Variants in SHANK2 observed in about 807,000 individuals in gnomAD.
SHANK2 encodes SH3 and multiple ankyrin repeat domains 2.
SHANK2 carries 43 observed loss-of-function variants against 133.7 expected under a neutral mutation model. The ratio of observed to expected loss-of-function variants is 0.32; its 90% CI spans 0.25 to 0.41. SHANK2 has a LOEUF of 0.41. Among genes scored for constraint, SHANK2 ranks in the 10% least tolerant of loss-of-function variants. The pLI, the probability that SHANK2 is intolerant of heterozygous loss-of-function variation, is 1.00. For synonymous variants in SHANK2, 1,017 were observed against 952.8 expected (o/e 1.07, Z -1.24); for missense variants, 1,994 against 2,235.8 (o/e 0.89, Z 2.18).
At chr11:71,103,598 C>T (rs555221351) in intron 6 of SHANK2, among the ~76,000 whole-genome samples, 1 of 152,280 alleles carries the variant, frequency 6.6e-6, no homozygotes, top group Non-Finnish European at 1.5e-5. Flanking sequence ...TTAAAGGTGA[C>T]GCATACCCCA....
chr11:71,168,089 G>A (rs1279357914), intron 2 of SHANK2, among the ~76,000 whole-genome samples: 1 of 141,038 alleles, frequency 7.1e-6, no homozygotes, highest in Non-Finnish European at 1.6e-5. Flanking sequence ...CCGGGCGGAG[G>A]GGCTCCTCAC....
intron 17 of SHANK2, among the ~76,000 whole-genome samples, chr11:70,557,329 TC>T (rs539320458): frequency 6.6e-6 from 1 of 152,126 alleles, no homozygotes; most frequent in Non-Finnish European, 1.5e-5. Flanking sequence ...ACATGTGAGT[TC>T]CAGGGCGGGG....
At chr11:70,796,158 G>C (rs569978800) in intron 14 of SHANK2, among the ~76,000 whole-genome samples, 2 of 152,134 alleles carry the variant, frequency 1.3e-5, no homozygotes, top group African/African-American at 4.8e-5. Context: ...CCCTGTCAAC[G>C]GGGCTAGAGA....
chr11:70,659,822 C>G lies in SHANK2; in HGVS notation c.2061+6G>C, dbSNP rs1391712214. 1 of 1,614,136 alleles carries G rather than the reference C, an allele frequency of 6.2e-7. No homozygotes were observed. Among genetic ancestry groups the G allele is most frequent in the East Asian group, 2.2e-5 (1 of 44,872 alleles). On this transcript the variant is annotated splice_donor_region_variant and intron_variant, in intron 17 of 25. Transcript: ENST00000601538. ...AGCAGAAAGATACAGACACCTGTGTCCCTACCTCAATCAAGAAGTCCCCGG... is the reference window on the plus strand; with the variant it reads ...AGCAGAAAGATACAGACACCTGTGTGCCTACCTCAATCAAGAAGTCCCCGG...
chr11:70,863,282 C>T, intron 11 of SHANK2: 1 of 456,248 alleles, frequency 2.2e-6, no homozygotes, highest in Non-Finnish European at 4.4e-6. Context: ...GTCTCTGTTT[C>T]AGCTGATCTA....
At chr11:70,681,458 C>A (rs1201323922) in intron 15 of SHANK2, among the ~76,000 whole-genome samples, 1 of 152,114 alleles carries the variant, frequency 6.6e-6, no homozygotes, top group African/African-American at 2.4e-5. Flanking sequence ...GAAACCTGGG[C>A]CCCCTGGGGT....
intron 2 of SHANK2, among the ~76,000 whole-genome samples, chr11:71,183,539 C>T (rs1953606473): frequency 6.6e-6 from 1 of 152,232 alleles, no homozygotes; most frequent in Non-Finnish European, 1.5e-5. Flanking sequence ...GTGCCCTGAG[C>T]AACTGCGACA....
intron 3 of SHANK2, among the ~76,000 whole-genome samples, chr11:71,128,334 C>T (rs782349233): frequency 8.5e-5 from 13 of 152,338 alleles, no homozygotes; most frequent in Admixed American, 1.3e-4. Flanking sequence ...CTGCTGCGTG[C>T]CTGGCCCAAG....
chr11:70,491,042 C>T (rs891440269), intron 22 of SHANK2, among the ~76,000 whole-genome samples: 1 of 152,206 alleles, frequency 6.6e-6, no homozygotes, highest in Non-Finnish European at 1.5e-5. Flanking sequence ...CCTAGAGCTC[C>T]CCTCCTCCCC....
intron 17 of SHANK2, among the ~76,000 whole-genome samples, chr11:70,510,734 C>T (rs2059194210): frequency 6.6e-6 from 1 of 152,194 alleles, no homozygotes; most frequent in Non-Finnish European, 1.5e-5. Flanking sequence ...CGAGTCATAG[C>T]ACAGTGAGTC....
intron 11 of SHANK2, among the ~76,000 whole-genome samples, chr11:70,891,438 C>A (rs2135631734): frequency 6.6e-6 from 1 of 151,266 alleles, no homozygotes; most frequent in East Asian, 2.0e-4. Flanking sequence ...GGAGGCGGAG[C>A]TTGCAGTGAG....
At chr11:70,784,356 T>TG (rs1555045938) in intron 14 of SHANK2, among the ~76,000 whole-genome samples, 1 of 128,180 alleles carries the variant, frequency 7.8e-6, no homozygotes, top group Non-Finnish European at 1.6e-5. Flanking sequence ...TTTTTTTTTT[T>TG]TTTTTTTTTT....
At position 71,168,875 on chromosome 11, in the gene SHANK2, A is replaced by G. The variant is rs532040442; in HGVS notation, c.-12-21537T>C. ...ATCAATATTCACAACAGTGGCAGGT[A>G]GCATCTAGGGACCATTTGACAACAC... On this transcript the variant is annotated intron_variant, in intron 2 of 25. Transcript: ENST00000601538. 1.1e-4 allele frequency among the ~76,000 whole-genome samples: 16 copies of G among 152,306 alleles called. No homozygotes were observed. In the South Asian group the frequency reaches 3.3e-3, roughly 32 times the overall value.
At chr11:70,492,294 G>T in intron 22 of SHANK2, 41 bp downstream of exon 22, 1 of 1,603,276 alleles carries the variant, frequency 6.2e-7, no homozygotes, top group South Asian at 1.1e-5. Flanking sequence ...CCTGGGCACC[G>T]TCGGCCCCCG....
intron 14 of SHANK2, among the ~76,000 whole-genome samples, chr11:70,751,405 C>G (rs1434042192): frequency 2.0e-5 from 3 of 152,202 alleles, no homozygotes; most frequent in Non-Finnish European, 4.4e-5. Context: ...ATGCAGGATT[C>G]TATACCCAGT....
intron 17 of SHANK2, among the ~76,000 whole-genome samples, chr11:70,624,532 C>CAAAAA (rs71049929): frequency 7.2e-6 from 1 of 138,266 alleles, no homozygotes; most frequent in African/African-American, 2.7e-5. Flanking sequence ...CAACCTTCTT[C>CAAAAA]AAAAAAAAAA....
chr11:70,881,928 T>C (rs1949666736), intron 11 of SHANK2, among the ~76,000 whole-genome samples: 1 of 151,932 alleles, frequency 6.6e-6, no homozygotes, highest in African/African-American at 2.4e-5. Context: ...CCCAGGCTGG[T>C]CTCAAACTCC....
chr11:70,727,373 G>A lies in SHANK2; in HGVS notation c.1778-28610C>T, dbSNP rs573262052. On this transcript the variant is annotated intron_variant, in intron 14 of 25. Coordinates refer to ENST00000601538, the MANE Select transcript of SHANK2 (RefSeq NM_012309.5). ...GCTATATTTGGGGTCTTTCTCCAGA[G>A]ACAGCAGAATTCCCTGAGGGGTTCC... 2.0e-5 allele frequency among the ~76,000 whole-genome samples: 3 copies of A among 152,350 alleles called. No homozygotes were observed. The South Asian group carries it at 6.2e-4, about 32-fold the overall frequency.
In SHANK2 at chr11:71,152,464, C is replaced by G. The variant is rs1590964992; in HGVS notation, c.-12-5126G>C. On this transcript the variant is annotated intron_variant, in intron 2 of 25. Coordinates refer to ENST00000601538, the MANE Select transcript of SHANK2 (RefSeq NM_012309.5). ...ACTTTGCAGGCCACATAGTACACATCTACAGCTGGACCTGAGTCCAGGAAC... is the reference window on the plus strand; with the variant it reads ...ACTTTGCAGGCCACATAGTACACATGTACAGCTGGACCTGAGTCCAGGAAC... Among the ~76,000 whole-genome samples the G allele has an allele frequency of 2.0e-5, 3 of 152,286 alleles. No homozygotes were observed. The East Asian group carries it at 5.8e-4, about 29-fold the overall frequency.
Sources: gnomAD v4.1 joint callset for allele counts (sites outside exome capture counted in the v4.1 genomes callset) on GRCh38, gnomAD v4.1.1 for gene constraint, MANE v1.5 for transcripts, NCBI Gene and HGNC (gene_info 2026-07-23, HGNC 2026-07-21) for gene names.